The following KCNMA1 variants were observed in gnomAD, a reference collection of about 807,000 sequenced individuals.
KCNMA1 encodes potassium calcium-activated channel subfamily M alpha 1.
KCNMA1 carries 29 observed loss-of-function variants against 140.0 expected under a neutral mutation model. That is an observed-to-expected ratio of 0.21 (90% CI 0.15 to 0.28). The LOEUF (loss-of-function observed/expected upper bound fraction) is 0.28, where lower values mean the gene tolerates loss of function less well. Ranked by LOEUF, KCNMA1 falls within the 10% of genes least tolerant of loss-of-function variation. The pLI, the probability that KCNMA1 is intolerant of heterozygous loss-of-function variation, is 1.00. For missense variants in KCNMA1, 880 were observed against 1,602.2 expected, an observed-to-expected ratio of 0.55 and a Z score of 7.70; for synonymous variants, 612 against 611.9, an observed-to-expected ratio of 1.00 and a Z score of 0.00.
chr10:77,282,277 C>T (rs937230934), intron 2 of KCNMA1, among the ~76,000 whole-genome samples: 1 of 152,114 alleles, frequency 6.6e-6, no homozygotes, highest in Admixed American at 6.6e-5. Context: ...GGCTTCCTCT[C>T]CCTAAACACC....
chr10:77,161,880 T>C (rs1356775100), intron 5 of KCNMA1, among the ~76,000 whole-genome samples: 1 of 152,252 alleles, frequency 6.6e-6, no homozygotes, highest in Non-Finnish European at 1.5e-5. Context: ...TATCTATAAC[T>C]AGATTAAGCT....
At position 77,335,413 on chromosome 10, in the gene KCNMA1, C is replaced by T. The variant is rs147649075; in HGVS notation, c.540+68449G>A. On this transcript the variant is annotated intron_variant, in intron 2 of 27. Transcript: ENST00000286628. ...AAGAAAAGTGTTTTTGGACTTTAGG[C>T]AACCCTGGGGACTTAGAGTTGTTCT... is the stretch of plus-strand genomic sequence containing the variant. 5.0e-3 allele frequency among the ~76,000 whole-genome samples: 766 copies of T among 152,314 alleles called. 4 individuals are homozygous for T. Among genetic ancestry groups the T allele is most frequent in the Middle Eastern group, 0.017 (5 of 294 alleles).
rs80189498 is a variant in KCNMA1 at position 76,885,501 on chromosome 10, A to G, written c.*1765T>C. On this transcript the variant is annotated 3_prime_UTR_variant, in exon 28 of 28. Transcript: ENST00000286628. The stretch of plus-strand genomic sequence containing the variant: ...TTGTCAATTCACACAGCAAGCAAAT[A>G]TCCAAAACTATCATGCTTGAGGGGA... 1,145 of 985,290 alleles carry G rather than the reference A, an allele frequency of 1.2e-3. 8 individuals carry two copies. In the African/African-American group the frequency reaches 0.018, roughly 16 times the overall value. The allele number at this position is 985,290 out of a possible 1,614,324, so 61.0% of individuals were successfully genotyped here.
chr10:77,192,613 C>T (rs1472984887), intron 3 of KCNMA1, among the ~76,000 whole-genome samples: 1 of 152,098 alleles, frequency 6.6e-6, no homozygotes, highest in Non-Finnish European at 1.5e-5. Context: ...GAATTCCCAA[C>T]GTTGTTCTAA....
chr10:77,492,466 T>C (rs1314439191), intron 1 of KCNMA1, among the ~76,000 whole-genome samples: 1 of 152,256 alleles, frequency 6.6e-6, no homozygotes, highest in African/African-American at 2.4e-5. Context: ...GTACTGAGGA[T>C]GCACCAGGCA....
At chr10:77,246,960 T>C (rs1330313705) in intron 3 of KCNMA1, among the ~76,000 whole-genome samples, 2 of 152,154 alleles carry the variant, frequency 1.3e-5, no homozygotes, top group Non-Finnish European at 2.9e-5. Context: ...AGTGCCCCCA[T>C]TGTGTGCCAG....
intron 2 of KCNMA1, among the ~76,000 whole-genome samples, chr10:77,295,009 G>C (rs1341125672): frequency 6.6e-6 from 1 of 152,286 alleles, no homozygotes; most frequent in South Asian, 2.1e-4. Context: ...TGTTGTAGCT[G>C]TTTTTAAAGG....
At chr10:77,150,751 A>G (rs1262618278) in intron 5 of KCNMA1, among the ~76,000 whole-genome samples, 1 of 152,066 alleles carries the variant, frequency 6.6e-6, no homozygotes, top group Admixed American at 6.6e-5. Flanking sequence ...AGAGAGATAA[A>G]GAAGATAATA....
chr10:77,366,662 G>A (rs2094385785), intron 2 of KCNMA1, among the ~76,000 whole-genome samples: 1 of 152,128 alleles, frequency 6.6e-6, no homozygotes, highest in African/African-American at 2.4e-5. Flanking sequence ...GTGATACTGG[G>A]GAGATATGAT....
intron 1 of KCNMA1, among the ~76,000 whole-genome samples, chr10:77,585,736 G>T (rs1399174863): frequency 1.3e-5 from 2 of 152,066 alleles, no homozygotes; most frequent in African/African-American, 4.8e-5. Context: ...GGATTTCTCA[G>T]GCATCTAAAA....
chr10:77,609,452 G>A (rs2085915593), intron 1 of KCNMA1, among the ~76,000 whole-genome samples: 1 of 152,166 alleles, frequency 6.6e-6, no homozygotes, highest in East Asian at 1.9e-4. Context: ...GATGGGAGAG[G>A]AATGCTGGTC....
intron 5 of KCNMA1, among the ~76,000 whole-genome samples, chr10:77,134,237 C>T (rs759327024): frequency 5.9e-5 from 9 of 151,978 alleles, no homozygotes; most frequent in East Asian, 3.8e-4. Context: ...ACCATAAAAA[C>T]GTCAAAATTC....
intron 1 of KCNMA1, among the ~76,000 whole-genome samples, chr10:77,523,828 G>A (rs936131904): frequency 3.9e-5 from 6 of 152,136 alleles, no homozygotes. Flanking sequence ...GGGGAGGCAG[G>A]ATGGTTAATG....
In KCNMA1 at chr10:76,962,073, G is replaced by A. The variant is rs904360708; in HGVS notation, c.2360+7901C>T. Among the ~76,000 whole-genome samples the A allele has an allele frequency of 4.6e-5, 7 of 152,264 alleles. No individual in the cohort carries two copies. The South Asian group carries it at 1.0e-3, about 23-fold the overall frequency. ...GCTACAACAGGAACAGAAAAAGCTC[G>A]CCTTGAAGACAACAGCCTAAAGCAA... is the stretch of plus-strand genomic sequence containing the variant. On this transcript the variant is annotated intron_variant, in intron 20 of 27. Transcript: ENST00000286628.
intron 20 of KCNMA1, among the ~76,000 whole-genome samples, chr10:76,961,264 C>T (rs191486162): frequency 6.0e-4 from 91 of 151,800 alleles, no homozygotes; most frequent in African/African-American, 2.2e-3. Context: ...TTTAAGACTT[C>T]AGTGGAGGAA....
chr10:77,160,147 C>T lies in KCNMA1; in HGVS notation c.808+23274G>A, dbSNP rs149577592. Among the ~76,000 whole-genome samples, 210 of 152,286 alleles carry T rather than the reference C, an allele frequency of 1.4e-3. 2 individuals are homozygous for T. The highest frequency in any genetic ancestry group is 1.7e-3 in the East Asian group (9 of 5,172). ...CCCTGCTCTTCTCCAAGGGTGTCAA[C>T]GGAGTAAGTCCTGCCCCAGAGTAAA... On this transcript the variant is annotated intron_variant, in intron 5 of 27. Transcript: ENST00000286628.
chr10:76,904,011 T>G (rs2046727927), intron 25 of KCNMA1: 1 of 152,192 alleles, frequency 6.6e-6, no homozygotes, highest in Non-Finnish European at 1.5e-5. Flanking sequence ...CACAAACACA[T>G]AAATATATAT....
At chr10:77,520,616 G>A (rs1043768266) in intron 1 of KCNMA1, among the ~76,000 whole-genome samples, 2 of 152,078 alleles carry the variant, frequency 1.3e-5, no homozygotes, top group African/African-American at 4.8e-5. Flanking sequence ...GAATTGAGAT[G>A]AGAATAGTGT....
exon 28 of KCNMA1, chr10:76,871,858 C>T (rs1487843048): frequency 6.6e-6 from 1 of 152,200 alleles, no homozygotes; most frequent in Non-Finnish European, 1.5e-5. Flanking sequence ...TTAGGGCTCA[C>T]CCTTTCTCTA....
Sources: allele counts gnomAD v4.1 joint callset (sites outside exome capture counted in the v4.1 genomes callset), GRCh38; gene constraint gnomAD v4.1.1; transcripts MANE v1.5; gene names NCBI Gene and HGNC (gene_info 2026-07-23, HGNC 2026-07-21).